Variants in MED17 observed in about 807,000 individuals in gnomAD.
MED17 encodes mediator complex subunit 17.
In MED17, 49 loss-of-function variants were observed where a neutral mutation model predicts 80.8. That is an observed-to-expected ratio of 0.61 (90% confidence interval 0.48 to 0.77). MED17 has a LOEUF of 0.77. Among genes scored for constraint, MED17 ranks in the 30% least tolerant of loss-of-function variants. The pLI, the probability that MED17 is intolerant of heterozygous loss-of-function variation, is 0.00. For missense variants in MED17, 718 were observed against 787.0 expected, an observed-to-expected ratio of 0.91 and a Z score of 1.05; for synonymous variants, 281 against 280.4, an observed-to-expected ratio of 1.00 and a Z score of -0.02.
intron 2 of MED17, chr11:93,790,118 T>G (rs974549272): frequency 3.0e-5 from 6 of 198,520 alleles, no homozygotes; most frequent in African/African-American, 4.7e-5. Context: ...AAATATTATG[T>G]GCCAGGCATT....
chr11:93,811,335 A>G (rs1944083531), intron 11 of MED17: 1 of 157,192 alleles, frequency 6.4e-6, no homozygotes, highest in Non-Finnish European at 1.4e-5. Flanking sequence ...TGTATTAACA[A>G]TTCATTGAAT....
At chr11:93,797,257 C>T in intron 7 of MED17, 1 of 383,020 alleles carries the variant, frequency 2.6e-6, no homozygotes, top group South Asian at 3.3e-5. Context: ...CATGCTTATG[C>T]ATGAGTTGTG....
rs377020597 is a variant in MED17, at chr11:93,809,683, T to A, written c.1585-34T>A. 15 of 1,612,564 alleles carry A rather than the reference T, an allele frequency of 9.3e-6. No individual in the cohort carries two copies. In the African/African-American group the frequency reaches 2.0e-4, roughly 22 times the overall value. ...GTTAAGTCACTGCAGATATCTCTGC[T>A]GACTGTCAGTCAAGTGTCCTTTTTC... On this transcript the variant is annotated intron_variant, in intron 10 of 11. Coordinates refer to ENST00000251871, the MANE Select transcript of MED17 (RefSeq NM_004268.5).
chr11:93,798,715 C>T (rs914278225), intron 8 of MED17, among the ~76,000 whole-genome samples: 19 of 152,002 alleles, frequency 1.2e-4, no homozygotes, highest in Admixed American at 5.2e-4. Context: ...CACTTATTCC[C>T]GTCAATAGCA....
intron 3 of MED17, chr11:93,793,151 T>C (rs2135712655): frequency 7.2e-6 from 1 of 139,706 alleles, no homozygotes; most frequent in Admixed American, 7.5e-5. Context: ...AGAGTTTCGC[T>C]CTTGTTGCCC....
intron 8 of MED17, among the ~76,000 whole-genome samples, chr11:93,799,212 C>A: frequency 6.7e-6 from 1 of 149,936 alleles, no homozygotes; most frequent in Admixed American, 6.6e-5. Context: ...GACGAAGTCT[C>A]ACTGTGTCAC....
Position 93,797,563 on chromosome 11 carries a change from T to C in MED17, c.1172T>C (p.Met391Thr). ...EFHKQTLSSI[M>T]MPHPASAPFG... ...CATAAACAGACCTTGAGTTCCATCA[T>C]GATGCCTCATCCAGCAAGTGCACCT... The change falls in exon 8 of 12, where the codon ATG becomes ACG. Residue 391 changes from methionine to threonine, a missense_variant. Transcript: ENST00000251871. 2 of 1,614,174 alleles carry C rather than the reference T, an allele frequency of 1.2e-6. No homozygotes were observed. The highest frequency in any genetic ancestry group is 1.7e-6 in the Non-Finnish European group (2 of 1,179,992).
chr11:93,795,176 G>A (rs1943886986), intron 6 of MED17, 116 bp downstream of exon 6: 1 of 1,137,568 alleles, frequency 8.8e-7, no homozygotes, highest in Non-Finnish European at 1.3e-6. Flanking sequence ...GAAATAGTGT[G>A]CTATCCATAG....
chr11:93,784,973 T>C, intron 1 of MED17: 2 of 678,152 alleles, frequency 2.9e-6, no homozygotes, highest in South Asian at 1.9e-5. Context: ...CGGGTCTCCT[T>C]GAATGGCAGC....
chr11:93,811,415 A>T, intron 11 of MED17: 1 of 193,254 alleles, frequency 5.2e-6, no homozygotes, highest in Non-Finnish European at 1.1e-5. Flanking sequence ...TCACGCCTGT[A>T]ATCCCAGCAC....
intron 1 of MED17, among the ~76,000 whole-genome samples, chr11:93,786,760 C>T (rs1020026846): frequency 1.4e-4 from 21 of 152,180 alleles, no homozygotes; most frequent in African/African-American, 4.6e-4. Context: ...TGAGCCACTG[C>T]ACCCAGCCGA....
chr11:93,812,417 C>G lies in MED17; in HGVS notation c.*353C>G, dbSNP rs904330106. ...GTGGTTTAAAAAAATCTCCAAATAC[C>G]TTTTTTTCCCCCCAAATACTTTCTA... On this transcript the variant is annotated 3_prime_UTR_variant, in exon 12 of 12. Transcript: ENST00000251871. The G allele has an allele frequency of 8.3e-6, 4 of 479,410 alleles. No homozygotes were observed. The highest frequency in any genetic ancestry group is 1.4e-5 in the Non-Finnish European group (4 of 276,778). 29.7% of individuals were successfully genotyped at this position (479,410 alleles called of 1,614,324 possible). A position where few individuals can be genotyped will look rare whatever the true frequency, so the allele number is the denominator to read the frequency against.
intron 9 of MED17, among the ~76,000 whole-genome samples, chr11:93,804,907 A>G (rs914439212): frequency 4.6e-5 from 7 of 152,256 alleles, no homozygotes; most frequent in African/African-American, 7.2e-5. Flanking sequence ...AATGGGATCA[A>G]TTAGGAAAAA....
chr11:93,805,404 GAAACCCT>G (rs1944012820), intron 9 of MED17, among the ~76,000 whole-genome samples: 1 of 152,130 alleles, frequency 6.6e-6, no homozygotes, highest in Non-Finnish European at 1.5e-5. Flanking sequence ...CCAACATGAT[GAAACCCT>G]GTCCCTACTA....
At chr11:93,805,910 G>A (rs750234451) in intron 9 of MED17, among the ~76,000 whole-genome samples, 7 of 151,436 alleles carry the variant, frequency 4.6e-5, no homozygotes, top group East Asian at 1.9e-4. Flanking sequence ...GATGCAGTGC[G>A]CTATGATGGC....
chr11:93,813,259 CTG>C lies in MED17; in HGVS notation c.*1198_*1199del, dbSNP rs1336143828. The C allele has an allele frequency of 6.6e-6, 1 of 152,210 alleles. No homozygotes were observed. The highest frequency in any genetic ancestry group is 2.4e-5 in the African/African-American group (1 of 41,460). The allele number at this position is 152,210 out of a possible 1,614,324, so 9.4% of individuals were successfully genotyped here. On this transcript the variant is annotated 3_prime_UTR_variant, in exon 12 of 12. Transcript: ENST00000251871. ...CCTGCTTTAACAATTTGTAAGATGA[CTG>C]TGCAGTAATAAAAGTCCTTTGTATT...
At position 93,784,734 on chromosome 11, in the gene MED17, G is replaced by A. The variant is rs1269352951; in HGVS notation, c.221G>A (p.Gly74Glu). ...GACGCGCAGGAGTGGCCGGGCGCCGGGTCCAGCGCAGACCAGGACGACGAG... is the reference window on the plus strand; with the variant it reads ...GACGCGCAGGAGTGGCCGGGCGCCGAGTCCAGCGCAGACCAGGACGACGAG... Reference protein sequence around the residue: ...EGDAQEWPGAGSSADQDDEEG... With the variant: ...EGDAQEWPGAESSADQDDEEG... The change falls in exon 1 of 12, where the codon GGG (glycine) becomes GAG (glutamate). Residue 74 changes from glycine (G) to glutamate (E), a missense_variant. Transcript: ENST00000251871. 9 of 1,543,198 alleles carry A rather than the reference G, an allele frequency of 5.8e-6. No individual in the cohort carries two copies. The highest frequency in any genetic ancestry group is 7.8e-6 in the Non-Finnish European group (9 of 1,148,248).
intron 10 of MED17, chr11:93,808,862 G>A (rs958919883): frequency 6.6e-6 from 1 of 152,464 alleles, no homozygotes; most frequent in African/African-American, 2.4e-5. Context: ...AGCTAGGTAT[G>A]AGAACCATGG....
At position 93,793,367 on chromosome 11, in the gene MED17, T is replaced by C. The variant is rs147628951; in HGVS notation, c.638-361T>C. 2,327 of 239,214 alleles carry C rather than the reference T, an allele frequency of 9.7e-3. 27 individuals are homozygous for C. Among genetic ancestry groups the C allele is most frequent in the Non-Finnish European group, 0.011 (1,376 of 122,636 alleles). The allele number at this position is 239,214 out of a possible 1,614,324, so 14.8% of individuals were successfully genotyped here. A position where few individuals can be genotyped will look rare whatever the true frequency, so the allele number is the denominator to read the frequency against. On this transcript the variant is annotated intron_variant, in intron 3 of 11. Coordinates refer to ENST00000251871, the MANE Select transcript of MED17 (RefSeq NM_004268.5). ...CCTGACCTCAGGTGATCCATCCGCC[T>C]CGTCCTCCCAAAGTGCTGGGATTAC...
Sources: allele counts gnomAD v4.1 joint callset (sites outside exome capture counted in the v4.1 genomes callset), GRCh38; gene constraint gnomAD v4.1.1; transcripts MANE v1.5; gene names NCBI Gene and HGNC (gene_info 2026-07-23, HGNC 2026-07-21).